The following MFHAS1 variants were observed in gnomAD, a reference collection of about 807,000 sequenced individuals.
MFHAS1 encodes the protein malignant fibrous histiocytoma-amplified sequence 1.
MFHAS1 carries 50 observed loss-of-function variants against 70.4 expected under a neutral mutation model. The ratio of observed to expected loss-of-function variants is 0.71; its 90% CI spans 0.57 to 0.90. The LOEUF is 0.90. Among genes scored for constraint, MFHAS1 ranks in the 40% least tolerant of loss-of-function variants. MFHAS1 has a pLI of 0.00. For synonymous variants in MFHAS1, 952 were observed against 620.0 expected, an observed-to-expected ratio of 1.54 and a Z score of -7.96; for missense variants, 1,795 against 1,347.6, an observed-to-expected ratio of 1.33 and a Z score of -5.20.
chr8:8,836,038 A>C lies in MFHAS1; in HGVS notation c.2999-38547T>G, dbSNP rs549353195. Among the ~76,000 whole-genome samples the C allele has an allele frequency of 1.0e-3, 156 of 152,346 alleles. 1 individual carries two copies. Among genetic ancestry groups the C allele is most frequent in the African/African-American group, 3.7e-3 (152 of 41,580 alleles). On this transcript the variant is annotated intron_variant, in intron 1 of 2. Coordinates refer to ENST00000276282, the MANE Select transcript of MFHAS1 (RefSeq NM_004225.3). ...ATTACTATCTAGCCCTTCAAAGAAAAAGTGTGCTGAACTCCAATCTATAAT... is the reference window on the plus strand; with the variant it reads ...ATTACTATCTAGCCCTTCAAAGAAACAGTGTGCTGAACTCCAATCTATAAT...
At position 8,893,088 on chromosome 8, in the gene MFHAS1, G is replaced by T. The variant is rs1297728518; in HGVS notation, c.-30C>A. 2.8e-6 allele frequency: 4 copies of T among 1,418,968 alleles called. No individual in the cohort carries two copies. Among genetic ancestry groups the T allele is most frequent in the East Asian group, 6.0e-5 (2 of 33,182 alleles). 87.9% of individuals were successfully genotyped at this position (1,418,968 alleles called of 1,614,324 possible). A position where few individuals can be genotyped will look rare whatever the true frequency, so the allele number is the denominator to read the frequency against. ...GGGCCCCGGGCCGACAGCCTCACGC[G>T]GACGCGGGAGCCCGCAGCTACATGC... On this transcript the variant is annotated 5_prime_UTR_variant, in exon 1 of 3. Coordinates refer to ENST00000276282, the MANE Select transcript of MFHAS1 (RefSeq NM_004225.3).
chr8:8,849,064 C>CTTTTTTTTTTTTTTTTTTTTTTTT (rs145250762), intron 1 of MFHAS1, among the ~76,000 whole-genome samples: 1 of 75,772 alleles, frequency 1.3e-5, no homozygotes, highest in African/African-American at 4.8e-5. Context: ...TCCTTTTTAC[C>CTTTTTTTTTTTTTTTTTTTTTTTT]TTTTTTTTTT....
intron 1 of MFHAS1, among the ~76,000 whole-genome samples, chr8:8,817,929 G>T (rs1304332018): frequency 6.6e-6 from 1 of 152,170 alleles, no homozygotes; most frequent in East Asian, 1.9e-4. Flanking sequence ...GCTCACTCCT[G>T]CCCTGCAGCC....
chr8:8,830,476 G>T (rs918170809), intron 1 of MFHAS1, among the ~76,000 whole-genome samples: 3 of 152,110 alleles, frequency 2.0e-5, no homozygotes, highest in Non-Finnish European at 4.4e-5. Context: ...AAAATTACAG[G>T]TTATTAAATT....
chr8:8,890,638 A>C lies in MFHAS1; in HGVS notation c.2421T>G (p.Leu807=). The change falls in exon 1 of 3, where the codon CTT becomes CTG. Residue 807 remains leucine, a synonymous_variant. Coordinates refer to ENST00000276282, the MANE Select transcript of MFHAS1 (RefSeq NM_004225.3). ...LLPAHVIRLL[L]KPHVQAQQDL... ...CCTGCTGGGCCTGGACATGAGGCTT[A>C]AGCAGCAACCGAATGACATGAGCTG... 2 of 1,613,776 alleles carry C rather than the reference A, an allele frequency of 1.2e-6. No homozygotes were observed. Among genetic ancestry groups the C allele is most frequent in the South Asian group, 1.1e-5 (1 of 91,082 alleles).
chr8:8,839,468 C>T (rs1360650616), intron 1 of MFHAS1, among the ~76,000 whole-genome samples: 2 of 152,144 alleles, frequency 1.3e-5, no homozygotes, highest in Admixed American at 6.6e-5. Context: ...AGAAAGAACA[C>T]TAGGCTGGAA....
At chr8:8,809,561 T>C (rs1403734966) in intron 1 of MFHAS1, among the ~76,000 whole-genome samples, 4 of 152,202 alleles carry the variant, frequency 2.6e-5, no homozygotes, top group Non-Finnish European at 4.4e-5. Context: ...CAGACGCGTG[T>C]GCCACTTGGC....
rs1585019488 is a variant in MFHAS1, at chr8:8,796,673, G to A, written c.3125+692C>T. Among the ~76,000 whole-genome samples, 7 of 43,790 alleles carry A rather than the reference G, an allele frequency of 1.6e-4. No homozygotes were observed. The South Asian group carries it at 4.5e-3, about 28-fold the overall frequency. 28.7% of individuals were successfully genotyped at this position (43,790 alleles called of 152,430 possible). A position where few individuals can be genotyped will look rare whatever the true frequency, so the allele number is the denominator to read the frequency against. On this transcript the variant is annotated intron_variant, in intron 2 of 2. Coordinates refer to ENST00000276282, the MANE Select transcript of MFHAS1 (RefSeq NM_004225.3). ...CACTCCAGCCTGGGCGACAGAGCAA[G>A]ACTCCGTCTCAAAACAAAAAAAAAA...
Position 8,785,854 on chromosome 8 carries a change from C to T in MFHAS1, c.*168G>A. On this transcript the variant is annotated 3_prime_UTR_variant, in exon 3 of 3. Coordinates refer to ENST00000276282, the MANE Select transcript of MFHAS1 (RefSeq NM_004225.3). Reference sequence around the variant, plus strand: ...CTCGTCCATGCTTCCCCCCACCACCCCCTCCCCACCTCTTCCCCAGTCGTC... The same window carrying T: ...CTCGTCCATGCTTCCCCCCACCACCTCCTCCCCACCTCTTCCCCAGTCGTC... 2.3e-6 allele frequency: 1 copy of T among 437,296 alleles called. No individual in the cohort carries two copies. The highest frequency in any genetic ancestry group is 3.1e-5 in the Admixed American group (1 of 32,780). 27.1% of individuals were successfully genotyped at this position (437,296 alleles called of 1,614,324 possible).
intron 1 of MFHAS1, among the ~76,000 whole-genome samples, chr8:8,824,545 A>T (rs3989403): frequency 2.1e-4 from 11 of 52,760 alleles, no homozygotes; most frequent in African/African-American, 4.5e-4. Flanking sequence ...ACACACACAC[A>T]CACACACACA....
At chr8:8,831,911 C>A (rs555448630) in intron 1 of MFHAS1, among the ~76,000 whole-genome samples, 2 of 152,016 alleles carry the variant, frequency 1.3e-5, no homozygotes, top group African/African-American at 4.8e-5. Context: ...CGCCCCCAGC[C>A]GTCAATTGAT....
Position 8,890,196 on chromosome 8 carries a change from C to A in MFHAS1, c.2863G>T (p.Ala955Ser). The A allele has an allele frequency of 6.2e-7, 1 of 1,614,116 alleles. No individual in the cohort carries two copies. The highest frequency in any genetic ancestry group is 8.5e-7 in the Non-Finnish European group (1 of 1,180,022). Reference sequence around the variant, plus strand: ...ACCAAGGGGGTTATGGCTTGCCATGCGGTCCATATATTTGGTAATGATGCA... The same window carrying A: ...ACCAAGGGGGTTATGGCTTGCCATGAGGTCCATATATTTGGTAATGATGCA... ...SHASLPNIWT[A>S]WQAITPLVEE... Residue 955 changes from alanine (A) to serine (S), a missense_variant, in exon 1 of 3, where the codon GCA (alanine) becomes TCA (serine). Physicochemically the swap from Ala to Ser is moderately conservative, Grantham distance 99. Transcript: ENST00000276282.
At chr8:8,793,229 G>T (rs1202432900) in intron 2 of MFHAS1, among the ~76,000 whole-genome samples, 2 of 151,978 alleles carry the variant, frequency 1.3e-5, no homozygotes, top group African/African-American at 4.8e-5. Flanking sequence ...CCCCATGGGG[G>T]AATAAAATGT....
rs190040863 is a variant in MFHAS1 at position 8,816,002 on chromosome 8, G to C, written c.2999-18511C>G. ...AAAGGAATGAGCCATGGATATATAC[G>C]CCAACATCGATGACCTGGGAATAAC... On this transcript the variant is annotated intron_variant, in intron 1 of 2. Coordinates refer to ENST00000276282, the MANE Select transcript of MFHAS1 (RefSeq NM_004225.3). Among the ~76,000 whole-genome samples the C allele has an allele frequency of 3.3e-3, 504 of 152,276 alleles. 6 individuals are homozygous for C. Among genetic ancestry groups the C allele is most frequent in the African/African-American group, 0.012 (481 of 41,560 alleles).
intron 1 of MFHAS1, among the ~76,000 whole-genome samples, chr8:8,857,167 C>G (rs1336726056): frequency 6.6e-6 from 1 of 151,986 alleles, no homozygotes; most frequent in Non-Finnish European, 1.5e-5. Context: ...AAAAAGAAGC[C>G]TATCAATTCA....
chr8:8,879,168 A>G (rs375265400), intron 1 of MFHAS1, among the ~76,000 whole-genome samples: 74 of 152,168 alleles, frequency 4.9e-4, no homozygotes, highest in Middle Eastern at 3.4e-3. Context: ...GGCCAACACG[A>G]TGAAACCCCG....
At chr8:8,853,413 C>A (rs1288581566) in intron 1 of MFHAS1, among the ~76,000 whole-genome samples, 1 of 140,956 alleles carries the variant, frequency 7.1e-6, no homozygotes, top group South Asian at 2.4e-4. Flanking sequence ...TAAACCCAGA[C>A]AACTATTTTT....
intron 1 of MFHAS1, among the ~76,000 whole-genome samples, chr8:8,820,931 C>T (rs1405232702): frequency 1.3e-5 from 2 of 152,208 alleles, no homozygotes; most frequent in Non-Finnish European, 2.9e-5. Context: ...AAAATAGCAG[C>T]AGTGAGAGAG....
intron 1 of MFHAS1, among the ~76,000 whole-genome samples, chr8:8,809,211 A>G (rs1356385464): frequency 6.6e-6 from 1 of 152,186 alleles, no homozygotes; most frequent in Non-Finnish European, 1.5e-5. Context: ...GAGTTGTATA[A>G]TTATCTCATT....
Sources: gnomAD v4.1 joint callset for allele counts (sites outside exome capture counted in the v4.1 genomes callset) on GRCh38, gnomAD v4.1.1 for gene constraint, MANE v1.5 for transcripts, NCBI Gene and HGNC (gene_info 2026-07-23, HGNC 2026-07-21) for gene names.